The following VKORC1L1 variants were observed in gnomAD, a reference collection of about 807,000 sequenced individuals.
VKORC1L1 encodes the protein vitamin K epoxide reductase complex subunit 1L1.
In VKORC1L1, 2 loss-of-function variants were observed where a neutral mutation model predicts 18.9. That is an observed-to-expected ratio of 0.11 (90% CI 0.04 to 0.33). VKORC1L1 has a LOEUF of 0.33. Among genes scored for constraint, VKORC1L1 ranks in the 10% least tolerant of loss-of-function variants. The pLI is 1.00. For missense variants in VKORC1L1, 123 were observed against 224.1 expected (o/e 0.55, Z 2.88); for synonymous variants, 96 against 100.0 (o/e 0.96, Z 0.24).
chr7:65,933,663 G>C (rs1263821725), intron 1 of VKORC1L1, among the ~76,000 whole-genome samples: 1 of 151,684 alleles, frequency 6.6e-6, no homozygotes, highest in African/African-American at 2.4e-5. Context: ...GTCTTTTATT[G>C]GTATATTCAG....
chr7:65,882,914 C>A (rs1788951443), intron 1 of VKORC1L1, among the ~76,000 whole-genome samples: 1 of 152,110 alleles, frequency 6.6e-6, no homozygotes, highest in African/African-American at 2.4e-5. Context: ...GTAATTAAAT[C>A]CTTAGATAGC....
rs376604551 is a variant in VKORC1L1 at position 65,907,615 on chromosome 7, A to G, written c.194+34050A>G. ...CTAGGCCTCCCGCTGTTCAGTTGTG[A>G]TTACTGTCAATAAACACCACTGTGA... On this transcript the variant is annotated intron_variant, in intron 1 of 2. Coordinates refer to ENST00000360768, the MANE Select transcript of VKORC1L1 (RefSeq NM_173517.6). Among the ~76,000 whole-genome samples, 7 of 152,286 alleles carry G rather than the reference A, an allele frequency of 4.6e-5. No homozygotes were observed. In the East Asian group the frequency reaches 5.8e-4, roughly 13 times the overall value.
rs866741279 is a variant in VKORC1L1, at chr7:65,958,408, T to C, written c.*4108T>C. ...CACTGGGCAGGTTTCCCCTTTAATC[T>C]AGATAGAAATACTCTTTATCAGAGA... is the stretch of plus-strand genomic sequence containing the variant. On this transcript the variant is annotated 3_prime_UTR_variant, in exon 3 of 3. Coordinates refer to ENST00000360768, the MANE Select transcript of VKORC1L1 (RefSeq NM_173517.6). The C allele has an allele frequency of 3.0e-4, 46 of 152,304 alleles. 1 individual carries two copies. Among genetic ancestry groups the C allele is most frequent in the African/African-American group, 9.6e-4 (40 of 41,568 alleles). The allele number at this position is 152,304 out of a possible 1,614,324, so 9.4% of individuals were successfully genotyped here. A position where few individuals can be genotyped will look rare whatever the true frequency, so the allele number is the denominator to read the frequency against.
intron 1 of VKORC1L1, among the ~76,000 whole-genome samples, chr7:65,913,170 T>C (rs1042067613): frequency 2.0e-5 from 3 of 152,212 alleles, no homozygotes; most frequent in Admixed American, 2.0e-4. Context: ...GCTATAACTA[T>C]GAAAAATTGA....
intron 1 of VKORC1L1, among the ~76,000 whole-genome samples, chr7:65,937,299 G>T (rs1441891992): frequency 2.0e-5 from 3 of 152,132 alleles, no homozygotes; most frequent in Non-Finnish European, 2.9e-5. Flanking sequence ...TGCTTTTTGT[G>T]TTGTCCAATT....
intron 1 of VKORC1L1, among the ~76,000 whole-genome samples, chr7:65,876,778 C>T (rs1023718747): frequency 2.0e-5 from 3 of 152,174 alleles, no homozygotes; most frequent in Non-Finnish European, 4.4e-5. Context: ...GGTGCAGTGG[C>T]TCACACCTGT....
chr7:65,946,295 C>T (rs1360259738), intron 1 of VKORC1L1, among the ~76,000 whole-genome samples: 1 of 151,230 alleles, frequency 6.6e-6, no homozygotes, highest in African/African-American at 2.4e-5. Context: ...AGACCGATTG[C>T]TTACCATCAC....
intron 1 of VKORC1L1, among the ~76,000 whole-genome samples, chr7:65,942,822 T>C (rs1790059148): frequency 2.6e-5 from 4 of 151,882 alleles, no homozygotes; most frequent in African/African-American, 7.2e-5. Flanking sequence ...ACTTTTAACA[T>C]GCTGGGGAAA....
chr7:65,899,976 GACA>G (rs779180579), intron 1 of VKORC1L1, among the ~76,000 whole-genome samples: 2 of 150,894 alleles, frequency 1.3e-5, no homozygotes. Flanking sequence ...CTCCAGCCAG[GACA>G]ACAAGAGTGA....
intron 1 of VKORC1L1, among the ~76,000 whole-genome samples, chr7:65,892,120 A>G (rs1789119376): frequency 6.6e-6 from 1 of 152,180 alleles, no homozygotes; most frequent in African/African-American, 2.4e-5. Context: ...ACGGGATTGC[A>G]TTCATTCTCA....
At chr7:65,906,112 A>G (rs917036855) in intron 1 of VKORC1L1, among the ~76,000 whole-genome samples, 8 of 151,646 alleles carry the variant, frequency 5.3e-5, no homozygotes, top group African/African-American at 1.9e-4. Flanking sequence ...CTGTTGTATC[A>G]TGGCCATAGT....
At position 65,918,849 on chromosome 7, in the gene VKORC1L1, C is replaced by T. The variant is rs1789629823; in HGVS notation, c.195-29822C>T. Among the ~76,000 whole-genome samples the T allele has an allele frequency of 2.6e-5, 4 of 152,172 alleles. No individual in the cohort carries two copies. The South Asian group carries it at 6.2e-4, about 24-fold the overall frequency. On this transcript the variant is annotated intron_variant, in intron 1 of 2. Transcript: ENST00000360768. ...GTGGCTCCCATCTGTAATCCCAGCA[C>T]TTTGGGAGGCTGAGGCAGGCAGATC...
intron 1 of VKORC1L1, among the ~76,000 whole-genome samples, chr7:65,934,057 G>A (rs1181768772): frequency 6.6e-6 from 1 of 151,744 alleles, no homozygotes; most frequent in Non-Finnish European, 1.5e-5. Flanking sequence ...TTTTTAAACT[G>A]AAAAAAAATC....
intron 1 of VKORC1L1, among the ~76,000 whole-genome samples, chr7:65,889,540 A>G (rs1367602293): frequency 1.3e-5 from 2 of 152,094 alleles, no homozygotes; most frequent in Admixed American, 6.6e-5. Context: ...ACTATAACTT[A>G]CAGAAAAATC....
upstream of VKORC1L1, among the ~76,000 whole-genome samples, chr7:65,869,250 G>T (rs1333690051): frequency 6.6e-6 from 1 of 151,888 alleles, no homozygotes; most frequent in East Asian, 1.9e-4. Context: ...GCTGATGGAG[G>T]TTGCAGTGAG....
rs544531307 is a variant in VKORC1L1, at chr7:65,887,042, G to A, written c.194+13477G>A. Among the ~76,000 whole-genome samples, 42 of 150,442 alleles carry A rather than the reference G, an allele frequency of 2.8e-4. 1 individual carries two copies. The highest frequency in any genetic ancestry group is 2.2e-3 in the Admixed American group (33 of 15,018). On this transcript the variant is annotated intron_variant, in intron 1 of 2. Coordinates refer to ENST00000360768, the MANE Select transcript of VKORC1L1 (RefSeq NM_173517.6). ...TTTTACATGTTTTTAGTAGAGATGAGGTTTCACCGTGTTAGCCAGGATGGT... is the reference window on the plus strand; with the variant it reads ...TTTTACATGTTTTTAGTAGAGATGAAGTTTCACCGTGTTAGCCAGGATGGT...
intron 1 of VKORC1L1, among the ~76,000 whole-genome samples, chr7:65,883,742 C>T (rs1788966918): frequency 6.6e-6 from 1 of 152,142 alleles, no homozygotes; most frequent in Admixed American, 6.5e-5. Flanking sequence ...TCGTAATCTG[C>T]CCGCCTCGGC....
At chr7:65,924,917 T>G (rs1427626803) in intron 1 of VKORC1L1, among the ~76,000 whole-genome samples, 1 of 152,202 alleles carries the variant, frequency 6.6e-6, no homozygotes, top group African/African-American at 2.4e-5. Flanking sequence ...TTCTCTCTCC[T>G]GGTTCTCCCC....
upstream of VKORC1L1, among the ~76,000 whole-genome samples, chr7:65,869,334 A>G (rs1021170852): frequency 1.2e-4 from 18 of 152,108 alleles, no homozygotes; most frequent in African/African-American, 3.9e-4. Flanking sequence ...AAACTAAATA[A>G]ATAAAAATTG....
Sources: allele counts gnomAD v4.1 joint callset (sites outside exome capture counted in the v4.1 genomes callset), GRCh38; gene constraint gnomAD v4.1.1; transcripts MANE v1.5; gene names NCBI Gene and HGNC (gene_info 2026-07-23, HGNC 2026-07-21).